GLIS1: variants seen among roughly 807,000 people sequenced by gnomAD.
GLIS1 encodes the protein zinc finger protein GLIS1.
In GLIS1, 24 loss-of-function variants were observed where a neutral mutation model predicts 63.8. The ratio of observed to expected loss-of-function variants is 0.38; its 90% CI spans 0.27 to 0.53. GLIS1 has a LOEUF of 0.53. Ranked by LOEUF, GLIS1 falls within the 20% of genes least tolerant of loss-of-function variation. GLIS1 has a pLI of 0.85. For synonymous variants in GLIS1, 450 were observed against 482.5 expected (o/e 0.93, Z 0.88); for missense variants, 1,036 against 1,074.1 (o/e 0.96, Z 0.50).
intron 2 of GLIS1, among the ~76,000 whole-genome samples, chr1:53,682,586 C>T (rs1254494873): frequency 2.6e-5 from 4 of 152,256 alleles, no homozygotes; most frequent in African/African-American, 9.6e-5. Flanking sequence ...TATTAGAATA[C>T]ACCCACGTTC....
At chr1:53,693,670 G>A (rs1246938639) in intron 2 of GLIS1, among the ~76,000 whole-genome samples, 1 of 151,964 alleles carries the variant, frequency 6.6e-6, no homozygotes, top group Non-Finnish European at 1.5e-5. Context: ...GGTCGCCAAG[G>A]GTGTGGGCAT....
At position 53,594,934 on chromosome 1, in the gene GLIS1, A is replaced by G. The variant is rs761060835; in HGVS notation, c.494T>C (p.Ile165Thr). 1.3e-6 allele frequency: 2 copies of G among 1,494,694 alleles called. No homozygotes were observed. The highest frequency in any genetic ancestry group is 1.4e-5 in the South Asian group (1 of 73,976). 92.6% of individuals were successfully genotyped at this position (1,494,694 alleles called of 1,614,324 possible). A position where few individuals can be genotyped will look rare whatever the true frequency, so the allele number is the denominator to read the frequency against. Residue 165 changes from isoleucine to threonine, a missense_variant, in exon 4 of 11, where the codon ATC becomes ACC. Ile to Thr is a moderately conservative substitution (Grantham distance 89). Coordinates refer to ENST00000628545, the MANE Select transcript of GLIS1 (RefSeq NM_001367484.1). The stretch of plus-strand genomic sequence containing the variant: ...GTAGTCGGGCAAGGACTCCTGTTTG[A>G]TGTGTTGTGTGGTTGGGAGGCTGCC... ...VNGSLPTTQH[I>T]KQESLPDYQA...
intron 2 of GLIS1, among the ~76,000 whole-genome samples, chr1:53,690,077 G>T (rs1238440214): frequency 6.6e-6 from 1 of 152,228 alleles, no homozygotes; most frequent in Non-Finnish European, 1.5e-5. Context: ...CTGGTGGCCT[G>T]CCCCCTCTGC....
intron 4 of GLIS1, among the ~76,000 whole-genome samples, chr1:53,566,349 G>GA: frequency 6.6e-6 from 1 of 151,932 alleles, no homozygotes; most frequent in East Asian, 1.9e-4. Flanking sequence ...AAGAAGAGAT[G>GA]AAAAAAACCT....
intron 4 of GLIS1, among the ~76,000 whole-genome samples, chr1:53,541,640 C>T (rs1644644053): frequency 6.6e-6 from 1 of 152,224 alleles, no homozygotes; most frequent in African/African-American, 2.4e-5. Context: ...CAGTGGGAAA[C>T]CAGTCACACA....
rs756693688 is a variant in GLIS1, at chr1:53,594,255, G to A, written c.1173C>T (p.Ile391=). ...YEQQEELVRH[I]EKSHIDQRKG... is the part of the protein sequence containing the mutation. ...TGCGCTGGTCGATGTGGCTCTTCTCGATGTGCCGCACCAGCTCCTCCTGCT... is the reference window on the plus strand; with the variant it reads ...TGCGCTGGTCGATGTGGCTCTTCTCAATGTGCCGCACCAGCTCCTCCTGCT... Residue 391 remains isoleucine, a synonymous_variant, in exon 4 of 11, where the codon ATC becomes ATT. Coordinates refer to ENST00000628545, the MANE Select transcript of GLIS1 (RefSeq NM_001367484.1). 2.5e-6 allele frequency: 4 copies of A among 1,613,578 alleles called. No individual in the cohort carries two copies. Among genetic ancestry groups the A allele is most frequent in the Middle Eastern group, 1.7e-4 (1 of 6,060 alleles).
At chr1:53,527,348 T>A (rs913834579) in intron 5 of GLIS1, among the ~76,000 whole-genome samples, 3 of 152,192 alleles carry the variant, frequency 2.0e-5, no homozygotes, top group African/African-American at 7.2e-5. Flanking sequence ...ACTGAGAGCC[T>A]GGGACACGGC....
chr1:53,511,524 AG>A lies in GLIS1; in HGVS notation c.1884-1498del, dbSNP rs1265815874. ...CCGTCACTGTGAGCTCGCTGAGGAC[AG>A]GGGAAGCAGGGCCTCGGTGCTGGGT... On this transcript the variant is annotated intron_variant, in intron 8 of 10. Coordinates refer to ENST00000628545, the MANE Select transcript of GLIS1 (RefSeq NM_001367484.1). The surrounding 1 kb of genome is among the most constrained non-coding windows in gnomAD (Gnocchi z 4.2). 6.6e-6 allele frequency among the ~76,000 whole-genome samples: 1 copy of A among 152,186 alleles called. No individual in the cohort carries two copies. The highest frequency in any genetic ancestry group is 2.4e-5 in the African/African-American group (1 of 41,452).
At chr1:53,606,271 G>A (rs554330524) in intron 2 of GLIS1, among the ~76,000 whole-genome samples, 4 of 152,316 alleles carry the variant, frequency 2.6e-5, no homozygotes, top group African/African-American at 4.8e-5. Flanking sequence ...GGCATCAGCC[G>A]CCATGGAAGA....
chr1:53,558,387 C>T (rs1340972744), intron 4 of GLIS1, among the ~76,000 whole-genome samples: 1 of 152,218 alleles, frequency 6.6e-6, no homozygotes, highest in Non-Finnish European at 1.5e-5. Flanking sequence ...TAAGATAAGG[C>T]CCCGGTTCCT....
intron 4 of GLIS1, among the ~76,000 whole-genome samples, chr1:53,568,666 A>C (rs1428167739): frequency 2.6e-5 from 4 of 152,148 alleles, no homozygotes; most frequent in Non-Finnish European, 5.9e-5. Context: ...GTCTTGTGAT[A>C]GTGAGTGAGT....
chr1:53,704,297 C>T (rs972702682), intron 2 of GLIS1, among the ~76,000 whole-genome samples: 4 of 152,230 alleles, frequency 2.6e-5, no homozygotes, highest in Non-Finnish European at 5.9e-5. Flanking sequence ...TACTTTCCAC[C>T]CCTTAAACCA....
intron 4 of GLIS1, among the ~76,000 whole-genome samples, chr1:53,531,520 CAGCACATTG>C (rs1177857909): frequency 6.6e-6 from 1 of 152,190 alleles, no homozygotes; most frequent in Non-Finnish European, 1.5e-5. Flanking sequence ...CAAGGCTGTT[CAGCACATTG>C]AGTAATTTCT....
At chr1:53,577,264 A>G (rs1645041634) in intron 4 of GLIS1, among the ~76,000 whole-genome samples, 1 of 151,914 alleles carries the variant, frequency 6.6e-6, no homozygotes, top group African/African-American at 2.4e-5. Flanking sequence ...CATGCCCCAG[A>G]TCAAGTCACA....
chr1:53,555,480 A>C (rs1436938251), intron 4 of GLIS1, among the ~76,000 whole-genome samples: 2 of 152,304 alleles, frequency 1.3e-5, no homozygotes, highest in East Asian at 3.9e-4. Context: ...CGGTGAGCCA[A>C]GATCGCGCCA....
chr1:53,720,903 T>C (rs1646747379), intron 2 of GLIS1, among the ~76,000 whole-genome samples: 1 of 151,384 alleles, frequency 6.6e-6, no homozygotes, highest in African/African-American at 2.4e-5. Flanking sequence ...GAGGCTGAGG[T>C]GGGAGGATTA....
intron 4 of GLIS1, among the ~76,000 whole-genome samples, chr1:53,580,222 C>A (rs1166161439): frequency 1.3e-5 from 2 of 152,170 alleles, no homozygotes; most frequent in South Asian, 2.1e-4. Flanking sequence ...AGCCGCAGAG[C>A]CCCTCCATCC....
At chr1:53,586,782 T>G (rs1645140778) in intron 4 of GLIS1, among the ~76,000 whole-genome samples, 1 of 152,156 alleles carries the variant, frequency 6.6e-6, no homozygotes, top group Non-Finnish European at 1.5e-5. Context: ...TGTTGTGACT[T>G]CATGGGAAAC....
At chr1:53,549,811 G>A (rs1014996206) in intron 4 of GLIS1, among the ~76,000 whole-genome samples, 9 of 152,152 alleles carry the variant, frequency 5.9e-5, no homozygotes, top group African/African-American at 1.4e-4. Flanking sequence ...CTCCCACAAC[G>A]CCATGAGGTA....
Sources: allele counts gnomAD v4.1 joint callset (sites outside exome capture counted in the v4.1 genomes callset), GRCh38; gene constraint gnomAD v4.1.1; non-coding constraint Gnocchi (gnomAD v3.1); transcripts MANE v1.5; gene names NCBI Gene and HGNC (gene_info 2026-07-23, HGNC 2026-07-21).